ZNF85: variants seen among roughly 807,000 people sequenced by gnomAD.
ZNF85 encodes zinc finger protein 85 (HPF4, HTF1).
Under a neutral mutation model 53.9 loss-of-function variants are expected in ZNF85, and 50 were observed. The ratio of observed to expected loss-of-function variants is 0.93; its 90% CI spans 0.74 to 1.17. The LOEUF (loss-of-function observed/expected upper bound fraction) is 1.17. Ranked by LOEUF, ZNF85 falls within the 50% of genes most tolerant of loss-of-function variation. The pLI, the probability that ZNF85 is intolerant of heterozygous loss-of-function variation, is 0.00. For missense variants in ZNF85, 747 were observed against 688.5 expected, an observed-to-expected ratio of 1.08 and a Z score of -0.95; for synonymous variants, 225 against 226.1, an observed-to-expected ratio of 1.00 and a Z score of 0.04.
At chr19:20,940,893 T>C (rs1973279769) in intron 3 of ZNF85, among the ~76,000 whole-genome samples, 1 of 152,242 alleles carries the variant, frequency 6.6e-6, no homozygotes, top group Non-Finnish European at 1.5e-5. Context: ...TTGATGTGTT[T>C]ATAAATCAAG....
At chr19:20,923,431 G>C (rs773594772) in intron 1 of ZNF85, 28 bp downstream of exon 1, 4 of 1,613,896 alleles carry the variant, frequency 2.5e-6, no homozygotes, top group Non-Finnish European at 3.4e-6. Flanking sequence ...GCCATCCCGA[G>C]GGGGAAAGGG....
intron 1 of ZNF85, among the ~76,000 whole-genome samples, chr19:20,931,401 C>T (rs550237473): frequency 1.3e-5 from 2 of 152,090 alleles, no homozygotes; most frequent in South Asian, 4.2e-4. Flanking sequence ...GCCCTTTCCA[C>T]AGATTCTGTT....
intron 3 of ZNF85, chr19:20,942,776 TG>T: frequency 1.4e-6 from 1 of 698,016 alleles, no homozygotes; most frequent in African/African-American, 1.8e-5. Context: ...TATTTGTTGT[TG>T]TTGTCATTGT....
chr19:20,946,411 A>G (rs1007448299), intron 3 of ZNF85: 3 of 362,386 alleles, frequency 8.3e-6, no homozygotes, highest in Middle Eastern at 4.2e-4. Context: ...ATATTGCCTT[A>G]AAGTTACCTG....
intron 1 of ZNF85, 56 bp from the exon 2 acceptor site, chr19:20,933,967 GT>G: frequency 3.4e-6 from 2 of 583,262 alleles, no homozygotes; most frequent in Non-Finnish European, 2.5e-6. Flanking sequence ...ATGTGTGTGT[GT>G]GTGTGTGTGT....
chr19:20,945,855 A>T (rs1208621198), intron 3 of ZNF85: 1 of 152,250 alleles, frequency 6.6e-6, no homozygotes, highest in African/African-American at 2.4e-5. Context: ...CATTGCTTTC[A>T]CCCATTGGCT....
rs1002832950 is a variant in ZNF85, at chr19:20,949,509, A to G, written c.995A>G (p.His332Arg). The G allele has an allele frequency of 4.3e-6, 7 of 1,613,548 alleles. No individual in the cohort carries two copies. The highest frequency in any genetic ancestry group is 5.9e-6 in the Non-Finnish European group (7 of 1,179,752). The change falls in exon 4 of 4, where the codon CAT (histidine) becomes CGT (arginine). Residue 332 changes from histidine to arginine, a missense_variant. Coordinates refer to ENST00000328178, the MANE Select transcript of ZNF85 (RefSeq NM_003429.5). Reference protein sequence around the residue: ...AFKQSSNLTTHKIIHTGEKPY... With the variant: ...AFKQSSNLTTRKIIHTGEKPY... ...AAGCAGTCCTCAAACCTTACTACAC[A>G]TAAGATAATTCATACTGGAGAGAAA...
Position 20,949,608 on chromosome 19 carries a change from C to G in ZNF85, c.1094C>G (p.Thr365Ser), listed in dbSNP as rs144723751. The change falls in exon 4 of 4, where the codon ACT (threonine) becomes AGT (serine). Residue 365 changes from threonine to serine, a missense_variant. By Grantham distance (58) the Thr-to-Ser change is moderately conservative (BLOSUM62 1). Coordinates refer to ENST00000328178, the MANE Select transcript of ZNF85 (RefSeq NM_003429.5). The part of the protein sequence containing the change: ...AHLTTHEVIH[T>S]GEKPYKCEKC... ...CTTACCACACATGAGGTAATTCATACTGGAGAGAAACCCTACAAATGTGAA... is the reference window on the plus strand; with the variant it reads ...CTTACCACACATGAGGTAATTCATAGTGGAGAGAAACCCTACAAATGTGAA... 6.2e-7 allele frequency: 1 copy of G among 1,602,208 alleles called. No homozygotes were observed. Among genetic ancestry groups the G allele is most frequent in the Non-Finnish European group, 8.5e-7 (1 of 1,171,820 alleles).
chr19:20,949,084 T>A lies in ZNF85; in HGVS notation c.570T>A (p.Thr190=). 2 of 1,613,778 alleles carry A rather than the reference T, an allele frequency of 1.2e-6. No homozygotes were observed. Among genetic ancestry groups the A allele is most frequent in the Non-Finnish European group, 1.7e-6 (2 of 1,179,802 alleles). The change falls in exon 4 of 4, where the codon ACT becomes ACA. Residue 190 remains threonine, a synonymous_variant. Coordinates refer to ENST00000328178, the MANE Select transcript of ZNF85 (RefSeq NM_003429.5). ...CATTTGGCATGATTTCATGCCTAAC[T>A]GAACATAGCAGAATTCATACTAGAG... ...GKSFGMISCL[T]EHSRIHTRVN...
chr19:20,947,916 CT>C (rs1973462345), intron 3 of ZNF85, among the ~76,000 whole-genome samples: 1 of 151,888 alleles, frequency 6.6e-6, no homozygotes, highest in South Asian at 2.1e-4. Context: ...ATTTGTATAT[CT>C]TTATTTTTAA....
chr19:20,932,818 A>G (rs147900980), intron 1 of ZNF85, among the ~76,000 whole-genome samples: 13 of 152,126 alleles, frequency 8.5e-5, no homozygotes, highest in African/African-American at 3.1e-4. Context: ...TTTTAATGTT[A>G]AAATTCAGAC....
At chr19:20,938,953 A>G (rs1417966666) in intron 3 of ZNF85, among the ~76,000 whole-genome samples, 4 of 151,808 alleles carry the variant, frequency 2.6e-5, no homozygotes, top group South Asian at 2.1e-4. Context: ...GGATTGCAGC[A>G]CTTTCATTTT....
chr19:20,946,052 T>TA (rs1409811364), intron 3 of ZNF85, among the ~76,000 whole-genome samples: 1 of 152,094 alleles, frequency 6.6e-6, no homozygotes, highest in African/African-American at 2.4e-5. Context: ...ACGTTTTTTT[T>TA]TTTTGAAGAT....
At chr19:20,932,002 C>T (rs771758534) in intron 1 of ZNF85, among the ~76,000 whole-genome samples, 4 of 152,108 alleles carry the variant, frequency 2.6e-5, no homozygotes, top group Admixed American at 6.5e-5. Context: ...TTTTGATACC[C>T]ATGGAGCAGC....
At chr19:20,926,081 A>G (rs1251253164) in intron 1 of ZNF85, among the ~76,000 whole-genome samples, 1 of 152,196 alleles carries the variant, frequency 6.6e-6, no homozygotes, top group Non-Finnish European at 1.5e-5. Context: ...CTTAGCTTTT[A>G]GAATGTTATC....
At chr19:20,940,107 A>G (rs1272182417) in intron 3 of ZNF85, among the ~76,000 whole-genome samples, 2 of 152,094 alleles carry the variant, frequency 1.3e-5, no homozygotes, top group Non-Finnish European at 2.9e-5. Flanking sequence ...TTATGTGAAA[A>G]AAAAAAAAAC....
rs113444171 is a variant in ZNF85 at position 20,934,051 on chromosome 19, A to G, written c.31A>G (p.Ile11Val). 13 of 1,612,206 alleles carry G rather than the reference A, an allele frequency of 8.1e-6. No individual in the cohort carries two copies. The African/African-American group carries it at 1.6e-4, about 20-fold the overall frequency. The change falls in exon 2 of 4, where the codon ATA becomes GTA. Residue 11 changes from isoleucine to valine, a missense_variant. By Grantham distance (29) the Ile-to-Val change is conservative. Coordinates refer to ENST00000328178, the MANE Select transcript of ZNF85 (RefSeq NM_003429.5). ...ACCATTGACATTTAGGGATGTGGCC[A>G]TAGAATTCTCTCTGAAGGAGTGGCA... MGPLTFRDVA[I>V]EFSLKEWQCL...
rs144181415 is a variant in ZNF85 at position 20,937,969 on chromosome 19, C to A, written c.229+2922C>A. On this transcript the variant is annotated intron_variant, in intron 3 of 3. Transcript: ENST00000328178. The stretch of plus-strand genomic sequence containing the variant: ...GGGCCTGCCTTCCGAAACGGATACT[C>A]CTCAATCTTGGGCTTTAGCAGTTTC... Among the ~76,000 whole-genome samples the A allele has an allele frequency of 5.6e-3, 848 of 152,296 alleles. 4 individuals are homozygous for A. Among genetic ancestry groups the A allele is most frequent in the African/African-American group, 0.019 (787 of 41,550 alleles).
chr19:20,928,814 G>C (rs1229934857), intron 1 of ZNF85: 1 of 152,170 alleles, frequency 6.6e-6, no homozygotes, highest in Admixed American at 6.5e-5. Context: ...CGGGACCGCT[G>C]TCTGTAGCAA....
Sources: gnomAD v4.1 joint callset for allele counts (sites outside exome capture counted in the v4.1 genomes callset) on GRCh38, gnomAD v4.1.1 for gene constraint, MANE v1.5 for transcripts, NCBI Gene and HGNC (gene_info 2026-07-23, HGNC 2026-07-21) for gene names.